The following MYCBP2 variants were observed in gnomAD, a reference collection of about 807,000 sequenced individuals.
MYCBP2 encodes E3 ubiquitin-protein ligase MYCBP2.
A neutral mutation model predicts 525.3 loss-of-function variants in MYCBP2; 120 were observed. The observed-to-expected ratio is 0.23, with a 90% CI of 0.20 to 0.27. MYCBP2 has a LOEUF of 0.27. Among genes scored for constraint, MYCBP2 ranks in the 10% least tolerant of loss-of-function variants. The pLI, the probability that MYCBP2 is intolerant of heterozygous loss-of-function variation, is 1.00. For synonymous variants in MYCBP2, 1,894 were observed against 1,955.8 expected (o/e 0.97, Z 0.83); for missense variants, 4,149 against 5,657.1 (o/e 0.73, Z 8.55).
At chr13:77,310,670 A>G (rs2080077853) in intron 1 of MYCBP2, among the ~76,000 whole-genome samples, 2 of 152,136 alleles carry the variant, frequency 1.3e-5, no homozygotes, top group Non-Finnish European at 2.9e-5. Flanking sequence ...ATTTGAGGAA[A>G]TAAAGGCCAA....
rs537282106 is a variant in MYCBP2, at chr13:77,139,868, A to G, written c.7518+179T>C. On this transcript the variant is annotated intron_variant, in intron 51 of 82. Transcript: ENST00000544440. ...AAAATATAATTTTAGTCATTTTTTA[A>G]TGATAAAATAAATGAAATGTTTGAA... is the stretch of plus-strand genomic sequence containing the variant. 2.2e-3 allele frequency among the ~76,000 whole-genome samples: 332 copies of G among 152,338 alleles called. 1 individual carries two copies. Among genetic ancestry groups the G allele is most frequent in the African/African-American group, 7.4e-3 (309 of 41,586 alleles).
rs371720729 is a variant in MYCBP2 at position 77,087,652 on chromosome 13, A to G, written c.10726-19T>C. 11 of 1,602,980 alleles carry G rather than the reference A, an allele frequency of 6.9e-6. No homozygotes were observed. The highest frequency in any genetic ancestry group is 8.5e-6 in the Non-Finnish European group (10 of 1,174,530). On this transcript the variant is annotated intron_variant, in intron 61 of 82. Coordinates refer to ENST00000544440, the MANE Select transcript of MYCBP2 (RefSeq NM_015057.5). Reference sequence around the variant, plus strand: ...TGAAAGCCTGAAGAAATGACGGTTAAATGAGTTCAAGAATAAAATACATGA... The same window carrying G: ...TGAAAGCCTGAAGAAATGACGGTTAGATGAGTTCAAGAATAAAATACATGA...
At chr13:77,106,262 A>C (rs903833430) in intron 55 of MYCBP2, among the ~76,000 whole-genome samples, 4 of 152,190 alleles carry the variant, frequency 2.6e-5, no homozygotes, top group Non-Finnish European at 5.9e-5. Context: ...TTCATGAGTA[A>C]AAATTAGTAA....
rs747534502 is a variant in MYCBP2, at chr13:77,194,257, G to A, written c.3844-13C>T. The A allele has an allele frequency of 1.3e-6, 2 of 1,578,734 alleles. No homozygotes were observed. The highest frequency in any genetic ancestry group is 2.2e-5 in the East Asian group (1 of 44,594). The stretch of plus-strand genomic sequence containing the variant: ...CCAATTCAAACAGCTAAGGAAAGGA[G>A]AAAGACAATCATTTATATAAATCAG... On this transcript the variant is annotated splice_polypyrimidine_tract_variant and intron_variant, in intron 26 of 82. Coordinates refer to ENST00000544440, the MANE Select transcript of MYCBP2 (RefSeq NM_015057.5).
intron 52 of MYCBP2, among the ~76,000 whole-genome samples, chr13:77,131,510 AC>A (rs1594790629): frequency 2.3e-4 from 12 of 52,626 alleles, no homozygotes; most frequent in Non-Finnish European, 5.5e-4. Context: ...ACACACACAC[AC>A]AAACAAACAC....
At chr13:77,073,655 A>G (rs1443420796) in intron 68 of MYCBP2, among the ~76,000 whole-genome samples, 1 of 152,050 alleles carries the variant, frequency 6.6e-6, no homozygotes, top group Non-Finnish European at 1.5e-5. Flanking sequence ...GAGTCTATAA[A>G]AAGTTTCTGA....
intron 17 of MYCBP2, among the ~76,000 whole-genome samples, chr13:77,237,921 A>T (rs2068179009): frequency 6.6e-6 from 1 of 152,172 alleles, no homozygotes; most frequent in African/African-American, 2.4e-5. Flanking sequence ...CAAATCAAGA[A>T]AACCATAATG....
intron 14 of MYCBP2, 55 bp downstream of exon 14, chr13:77,257,616 G>C: frequency 1.4e-6 from 2 of 1,452,926 alleles, no homozygotes; most frequent in Middle Eastern, 1.8e-4. Flanking sequence ...ATGTTGTTCT[G>C]AAAAACTAAT....
chr13:77,247,997 G>A (rs1378469476), intron 15 of MYCBP2, among the ~76,000 whole-genome samples: 1 of 152,032 alleles, frequency 6.6e-6, no homozygotes, highest in African/African-American at 2.4e-5. Flanking sequence ...GTTGTGGGGT[G>A]GGGGAAGCGG....
chr13:77,175,039 T>G (rs1253846334), intron 36 of MYCBP2, among the ~76,000 whole-genome samples: 1 of 142,274 alleles, frequency 7.0e-6, no homozygotes, highest in Non-Finnish European at 1.5e-5. Flanking sequence ...CAATGTGGCC[T>G]CCTCTTCCTG....
intron 14 of MYCBP2, among the ~76,000 whole-genome samples, chr13:77,252,901 C>A (rs1249482305): frequency 2.6e-5 from 4 of 152,022 alleles, no homozygotes; most frequent in African/African-American, 9.7e-5. Context: ...TTTAATCATT[C>A]CAATACTGGA....
At chr13:77,219,987 C>T (rs907036470) in intron 20 of MYCBP2, among the ~76,000 whole-genome samples, 1 of 152,130 alleles carries the variant, frequency 6.6e-6, no homozygotes, top group East Asian at 1.9e-4. Context: ...CAATACTACA[C>T]AACAGGAGGA....
At chr13:77,204,190 C>A (rs12017919) in intron 26 of MYCBP2, among the ~76,000 whole-genome samples, 3,879 of 151,158 alleles carry the variant, frequency 0.026, 187 homozygotes, top group African/African-American at 0.088. Flanking sequence ...GAACTCAAAC[C>A]AATTTACAAG....
At chr13:77,189,494 T>TG (rs1206153136) in intron 29 of MYCBP2, among the ~76,000 whole-genome samples, 1 of 152,100 alleles carries the variant, frequency 6.6e-6, no homozygotes, top group East Asian at 1.9e-4. Flanking sequence ...AAAAACCTTT[T>TG]GGGGAAAAAT....
intron 3 of MYCBP2, among the ~76,000 whole-genome samples, chr13:77,279,725 C>T (rs936450762): frequency 1.3e-5 from 2 of 152,260 alleles, no homozygotes; most frequent in Non-Finnish European, 2.9e-5. Context: ...ATAAATACCT[C>T]CTAAGCACTC....
intron 55 of MYCBP2, among the ~76,000 whole-genome samples, chr13:77,114,227 A>G (rs190461019): frequency 2.3e-4 from 35 of 152,284 alleles, no homozygotes; most frequent in Admixed American, 1.9e-3. Flanking sequence ...GTCCCTTTCT[A>G]AATTCCTTCC....
intron 26 of MYCBP2, among the ~76,000 whole-genome samples, chr13:77,196,809 T>C (rs891399940): frequency 1.3e-5 from 2 of 152,142 alleles, no homozygotes; most frequent in African/African-American, 4.8e-5. Context: ...GCGTAGGCTG[T>C]TGTACATATT....
chr13:77,118,458 T>C (rs2050149727), intron 55 of MYCBP2: 1 of 764,996 alleles, frequency 1.3e-6, no homozygotes, highest in South Asian at 1.3e-5. Flanking sequence ...GATTGGGTCG[T>C]GACTGAATGG....
At chr13:77,064,427 A>G (rs1210089963) in intron 73 of MYCBP2, among the ~76,000 whole-genome samples, 188 bp downstream of exon 73, 4 of 152,252 alleles carry the variant, frequency 2.6e-5, no homozygotes, top group Admixed American at 6.5e-5. Flanking sequence ...CACAGAACAC[A>G]TAACAGTGAG....
Sources: allele counts gnomAD v4.1 joint callset (sites outside exome capture counted in the v4.1 genomes callset), GRCh38; gene constraint gnomAD v4.1.1; transcripts MANE v1.5; gene names NCBI Gene and HGNC (gene_info 2026-07-23, HGNC 2026-07-21).